RFC2: variants seen among roughly 807,000 people sequenced by gnomAD.
RFC2 encodes the protein A1 40 kDa subunit.
A neutral mutation model predicts 44.8 loss-of-function variants in RFC2; 34 were observed. The observed-to-expected ratio is 0.76, with a 90% CI of 0.58 to 1.01. RFC2 has a LOEUF of 1.01. Among genes scored for constraint, RFC2 ranks in the 50% least tolerant of loss-of-function variants. The probability of loss-of-function intolerance (pLI) is 0.00; values close to 1 mark genes in which losing one functional copy is unlikely to be tolerated. For synonymous variants in RFC2, 177 were observed against 168.9 expected (o/e 1.05, Z -0.37); for missense variants, 400 against 453.6 (o/e 0.88, Z 1.07).
At chr7:74,232,329 T>C in intron 10 of RFC2, 113 bp from the exon 11 acceptor site, 1 of 640,714 alleles carries the variant, frequency 1.6e-6, no homozygotes, top group Non-Finnish European at 2.7e-6. Context: ...AATGGTTTTT[T>C]CAAAATCAGC....
At chr7:74,239,010 T>C in intron 7 of RFC2, 22 bp from the exon 8 acceptor site, 1 of 1,596,632 alleles carries the variant, frequency 6.3e-7, no homozygotes, top group Non-Finnish European at 8.6e-7. Flanking sequence ...CAAACACATG[T>C]CAAGGATGAT....
At position 74,252,443 on chromosome 7, in the gene RFC2, C is replaced by T. The variant is rs1273760260; in HGVS notation, c.169G>A (p.Val57Met). The part of the protein sequence containing the change: ...LNEIVGNEDT[V>M]SRLEVFAREG... ...AAGCCACTCACCTCTAGCCTGCTCACGGTGTCTTCATTCCCGACAATTTCA... is the reference window on the plus strand; with the variant it reads ...AAGCCACTCACCTCTAGCCTGCTCATGGTGTCTTCATTCCCGACAATTTCA... The change falls in exon 2 of 11, where the codon GTG becomes ATG. Residue 57 changes from valine to methionine, a missense_variant. Coordinates refer to ENST00000055077, the MANE Select transcript of RFC2 (RefSeq NM_181471.3). The T allele has an allele frequency of 1.0e-5, 16 of 1,599,202 alleles. No homozygotes were observed. The highest frequency in any genetic ancestry group is 5.4e-5 in the African/African-American group (4 of 74,360).
At position 74,233,653 on chromosome 7, in the gene RFC2, T is replaced by C. The variant is rs965335203; in HGVS notation, c.955-1437A>G. On this transcript the variant is annotated intron_variant, in intron 10 of 10. Transcript: ENST00000055077. ...CTCACTCTTGTCGCCCAAGCTGTAG[T>C]GCAGGGGTGTGATCTCAGCTCACTG... The C allele has an allele frequency of 9.9e-6, 3 of 304,356 alleles. No homozygotes were observed. The Admixed American group carries it at 1.2e-4, about 12-fold the overall frequency. The allele number at this position is 304,356 out of a possible 1,614,324, so 18.9% of individuals were successfully genotyped here.
intron 7 of RFC2, 53 bp downstream of exon 7, chr7:74,239,885 A>G: frequency 6.7e-7 from 1 of 1,490,586 alleles, no homozygotes; most frequent in Non-Finnish European, 9.1e-7. Flanking sequence ...TCCCCATGGA[A>G]GGGGCATGGC....
intron 5 of RFC2, 140 bp from the exon 6 acceptor site, chr7:74,243,386 T>C: frequency 1.6e-6 from 1 of 628,888 alleles, no homozygotes; most frequent in Non-Finnish European, 2.9e-6. Context: ...GCCATCCCTC[T>C]AATGCTAACA....
intron 4 of RFC2, among the ~76,000 whole-genome samples, chr7:74,248,210 T>C (rs1803732656): frequency 1.3e-5 from 2 of 152,078 alleles, no homozygotes; most frequent in Non-Finnish European, 2.9e-5. Flanking sequence ...GCATTATATT[T>C]ACTGGTTGAA....
chr7:74,246,195 C>CA (rs1179826046), intron 5 of RFC2, among the ~76,000 whole-genome samples: 52 of 144,016 alleles, frequency 3.6e-4, no homozygotes, highest in African/African-American at 9.5e-4. Context: ...GACTCTGTCT[C>CA]AAAAAAAAAA....
chr7:74,240,890 T>C (rs1480034004), intron 6 of RFC2, among the ~76,000 whole-genome samples: 1 of 152,098 alleles, frequency 6.6e-6, no homozygotes, highest in African/African-American at 2.4e-5. Flanking sequence ...CCTCCCAAAG[T>C]GCAGGGATTA....
chr7:74,235,701 T>A (rs1255626454), intron 9 of RFC2, 56 bp from the exon 10 acceptor site: 3 of 1,223,770 alleles, frequency 2.5e-6, no homozygotes, highest in African/African-American at 1.5e-5. Flanking sequence ...AGAAGACATG[T>A]GATTTTGAGA....
intron 5 of RFC2, among the ~76,000 whole-genome samples, chr7:74,244,621 G>A (rs1345585496): frequency 8.6e-5 from 13 of 151,294 alleles, no homozygotes; most frequent in African/African-American, 2.4e-4. Flanking sequence ...TGCCCGCCTC[G>A]GCCTCCCAAA....
intron 5 of RFC2, among the ~76,000 whole-genome samples, chr7:74,244,017 G>A (rs556132705): frequency 6.7e-6 from 1 of 149,776 alleles, no homozygotes; most frequent in African/African-American, 2.5e-5. Context: ...TTGGGAGGCC[G>A]AGGCAGGTGG....
In RFC2 at chr7:74,249,094, T is replaced by A. The variant is rs782694209; in HGVS notation, c.250A>T (p.Thr84Ser). The A allele has an allele frequency of 1.4e-5, 22 of 1,613,974 alleles. No individual in the cohort carries two copies. The highest frequency in any genetic ancestry group is 1.7e-5 in the Non-Finnish European group (20 of 1,179,996). Residue 84 changes from threonine to serine, a missense_variant, in exon 4 of 11, where the codon ACA (threonine) becomes TCA (serine). Coordinates refer to ENST00000055077, the MANE Select transcript of RFC2 (RefSeq NM_181471.3). ...GCCCGGGCCAAGCACAGAATGCTTGTGGTCTTGCCGGTTCCTGGAGGGCCC... is the reference window on the plus strand; with the variant it reads ...GCCCGGGCCAAGCACAGAATGCTTGAGGTCTTGCCGGTTCCTGGAGGGCCC... Reference protein sequence around the residue: ...IAGPPGTGKTTSILCLARALL... With the variant: ...IAGPPGTGKTSSILCLARALL...
At chr7:74,234,373 G>A (rs994301998) in intron 10 of RFC2, among the ~76,000 whole-genome samples, 3 of 152,160 alleles carry the variant, frequency 2.0e-5, no homozygotes, top group Non-Finnish European at 4.4e-5. Context: ...TCCTGATGGT[G>A]ATAGTGTTTG....
chr7:74,252,268 G>A (rs1554721243), intron 2 of RFC2, among the ~76,000 whole-genome samples, 161 bp downstream of exon 2: 1 of 151,412 alleles, frequency 6.6e-6, no homozygotes, highest in East Asian at 2.0e-4. Flanking sequence ...TTAGCTGGGT[G>A]TGGTGGTGGG....
chr7:74,246,582 G>T, intron 5 of RFC2, 80 bp downstream of exon 5: 2 of 885,604 alleles, frequency 2.3e-6, no homozygotes, highest in Middle Eastern at 2.3e-4. Context: ...TACCATAAAA[G>T]TGCTTTTTAT....
rs868922262 is a variant in RFC2, at chr7:74,243,362, T to C, written c.435-116A>G. ...TCCAATGTCCTAAATGAGGGTCTCA[T>C]TGGAAGTACGCAGGCCATCCCTCTA... On this transcript the variant is annotated intron_variant, in intron 5 of 10. Coordinates refer to ENST00000055077, the MANE Select transcript of RFC2 (RefSeq NM_181471.3). 8 of 706,128 alleles carry C rather than the reference T, an allele frequency of 1.1e-5. No individual in the cohort carries two copies. The Middle Eastern group carries it at 9.8e-4, about 86-fold the overall frequency. 43.7% of individuals were successfully genotyped at this position (706,128 alleles called of 1,614,324 possible).
chr7:74,237,947 A>G (rs1024480882), intron 8 of RFC2, among the ~76,000 whole-genome samples: 1 of 152,152 alleles, frequency 6.6e-6, no homozygotes, highest in Non-Finnish European at 1.5e-5. Context: ...TCCTCCCTGC[A>G]GCATTCTCCG....
chr7:74,249,785 G>A lies in RFC2; in HGVS notation c.184-5C>T, dbSNP rs1805391. 22,808 of 1,612,552 alleles carry A rather than the reference G, an allele frequency of 0.014. 2,433 individuals carry two copies. In the African/African-American group the frequency reaches 0.24, roughly 17 times the overall value. ...ATTTCCTTCCCTTGCAAAGACCTAC[G>A]GCGAAAATGATCATTAAAACCGGTT... On this transcript the variant is annotated splice_region_variant and splice_polypyrimidine_tract_variant and intron_variant, in intron 2 of 10. Coordinates refer to ENST00000055077, the MANE Select transcript of RFC2 (RefSeq NM_181471.3).
intron 6 of RFC2, 114 bp from the exon 7 acceptor site, chr7:74,240,209 A>G: frequency 1.1e-6 from 1 of 933,266 alleles, no homozygotes; most frequent in Non-Finnish European, 1.6e-6. Context: ...GGCACTCAAT[A>G]GAGACTTGGT....
Sources: gnomAD v4.1 joint callset for allele counts (sites outside exome capture counted in the v4.1 genomes callset) on GRCh38, gnomAD v4.1.1 for gene constraint, MANE v1.5 for transcripts, NCBI Gene and HGNC (gene_info 2026-07-23, HGNC 2026-07-21) for gene names.